Variants in EYS observed in about 807,000 individuals in gnomAD.
EYS encodes protein eyes shut homolog.
In EYS, 250 loss-of-function variants were observed where a neutral mutation model predicts 282.1. That is an observed-to-expected ratio of 0.89 (90% CI 0.80 to 0.98). The LOEUF is 0.98. Among genes scored for constraint, EYS ranks in the 50% least tolerant of loss-of-function variants. The pLI, the probability that EYS is intolerant of heterozygous loss-of-function variation, is 0.00. For synonymous variants in EYS, 1,355 were observed against 1,282.9 expected (o/e 1.06, Z -1.20); for missense variants, 4,016 against 3,709.0 (o/e 1.08, Z -2.15).
intron 22 of EYS, among the ~76,000 whole-genome samples, chr6:64,682,654 T>C (rs1455204399): frequency 6.6e-6 from 1 of 152,150 alleles, no homozygotes; most frequent in Non-Finnish European, 1.5e-5. Flanking sequence ...GTACTTTGCA[T>C]GCAGGCAGCC....
At chr6:64,468,406 G>A (rs1025299331) in intron 26 of EYS, among the ~76,000 whole-genome samples, 1 of 152,156 alleles carries the variant, frequency 6.6e-6, no homozygotes, top group Non-Finnish European at 1.5e-5. Flanking sequence ...TGCAAGAAGT[G>A]ACTGTTTCAT....
chr6:65,670,365 C>T (rs1768354288), intron 1 of EYS, among the ~76,000 whole-genome samples: 1 of 152,000 alleles, frequency 6.6e-6, no homozygotes, highest in African/African-American at 2.4e-5. Context: ...GTAAGGGATT[C>T]CCATTGTTGC....
chr6:64,420,623 G>A (rs1046565946), intron 28 of EYS, among the ~76,000 whole-genome samples: 1 of 152,172 alleles, frequency 6.6e-6, no homozygotes, highest in Non-Finnish European at 1.5e-5. Flanking sequence ...TCATCAGGCT[G>A]CAAAGTTTTC....
At chr6:64,766,649 A>ATATATATATATATATATATATATATAT (rs1554201272) in intron 22 of EYS, among the ~76,000 whole-genome samples, 1 of 19,050 alleles carries the variant, frequency 5.2e-5, no homozygotes, top group Admixed American at 9.6e-4. Flanking sequence ...AAAAAAAAAA[A>ATATATATATATATATATATATATATAT]ATATATATAT....
intron 12 of EYS, among the ~76,000 whole-genome samples, chr6:65,109,780 T>C (rs1775159096): frequency 6.6e-6 from 1 of 152,150 alleles, no homozygotes; most frequent in Non-Finnish European, 1.5e-5. Flanking sequence ...CTACCTACCC[T>C]TCTACAGGTA....
rs149373495 is a variant in EYS, at chr6:65,242,405, T to G, written c.2023+53458A>C. ...ATGTTGTCTTTGTGACTGTCTTGTT[T>G]TTAGCATAATTTTTTAAGGTTAGTC... On this transcript the variant is annotated intron_variant, in intron 12 of 42. Transcript: ENST00000503581. 1.2e-3 allele frequency among the ~76,000 whole-genome samples: 181 copies of G among 152,258 alleles called. 1 individual carries two copies. The highest frequency in any genetic ancestry group is 4.1e-3 in the African/African-American group (172 of 41,576).
chr6:64,116,684 G>A (rs1489506940), intron 31 of EYS, among the ~76,000 whole-genome samples: 1 of 152,068 alleles, frequency 6.6e-6, no homozygotes, highest in East Asian at 1.9e-4. Flanking sequence ...GACTGAGAGA[G>A]CAAATTAAGT....
chr6:64,223,552 G>T (rs563555771), intron 31 of EYS, among the ~76,000 whole-genome samples: 22 of 152,006 alleles, frequency 1.4e-4, no homozygotes, highest in Admixed American at 2.6e-4. Context: ...TTTCTGTATG[G>T]ACCTTGTATT....
intron 12 of EYS, among the ~76,000 whole-genome samples, chr6:65,180,986 G>A (rs1765366109): frequency 2.6e-5 from 4 of 152,050 alleles, no homozygotes; most frequent in Non-Finnish European, 5.9e-5. Context: ...AATGGTGCCG[G>A]GAAAACTGGC....
intron 1 of EYS, among the ~76,000 whole-genome samples, chr6:65,664,080 C>A (rs190189452): frequency 2.6e-5 from 4 of 152,050 alleles, no homozygotes; most frequent in African/African-American, 9.6e-5. Context: ...CCGTGTTAGC[C>A]GTGATGGTCT....
chr6:65,124,250 C>T (rs1323252692), intron 12 of EYS, among the ~76,000 whole-genome samples: 1 of 152,018 alleles, frequency 6.6e-6, no homozygotes, highest in Non-Finnish European at 1.5e-5. Flanking sequence ...ACCTCCTACA[C>T]ATGGATACAA....
intron 12 of EYS, among the ~76,000 whole-genome samples, chr6:65,190,076 T>C (rs1765605168): frequency 6.6e-6 from 1 of 151,380 alleles, no homozygotes; most frequent in African/African-American, 2.4e-5. Flanking sequence ...ATTAATAATA[T>C]AGAGAAAAAT....
chr6:65,691,692 C>A (rs1769249957), intron 1 of EYS, among the ~76,000 whole-genome samples: 1 of 150,290 alleles, frequency 6.7e-6, no homozygotes, highest in African/African-American at 2.4e-5. Flanking sequence ...CCTAGGTTTT[C>A]TTCTAGGGCT....
intron 12 of EYS, among the ~76,000 whole-genome samples, chr6:65,083,914 A>G (rs1220551914): frequency 6.6e-6 from 1 of 151,764 alleles, no homozygotes; most frequent in African/African-American, 2.4e-5. Flanking sequence ...CCATAGGTTG[A>G]CATGTATATT....
chr6:64,897,429 C>A (rs920431069), intron 18 of EYS, among the ~76,000 whole-genome samples: 1 of 152,034 alleles, frequency 6.6e-6, no homozygotes, highest in Non-Finnish European at 1.5e-5. Context: ...AAGACGAACA[C>A]GTGAAAACTC....
intron 7 of EYS, among the ~76,000 whole-genome samples, chr6:65,385,520 A>C (rs941542115): frequency 2.0e-5 from 3 of 151,942 alleles, no homozygotes; most frequent in African/African-American, 4.8e-5. Flanking sequence ...ACCATATGCC[A>C]GTCACTAGGC....
chr6:64,997,806 T>A, intron 13 of EYS, 103 bp from the exon 14 acceptor site: 1 of 1,005,298 alleles, frequency 9.9e-7, no homozygotes, highest in Non-Finnish European at 1.4e-6. Flanking sequence ...AGTTCACTTT[T>A]AACCAAATAA....
chr6:64,236,772 T>G (rs1766618974), intron 30 of EYS, among the ~76,000 whole-genome samples: 1 of 150,994 alleles, frequency 6.6e-6, no homozygotes, highest in Non-Finnish European at 1.5e-5. Flanking sequence ...TTTTTTAATT[T>G]TTTATCTTTT....
chr6:63,806,062 A>G, intron 37 of EYS, 128 bp downstream of exon 37: 1 of 750,412 alleles, frequency 1.3e-6, no homozygotes, highest in East Asian at 2.7e-5. Flanking sequence ...CTCAAGGCAG[A>G]AAACAGGAGG....
Sources: gnomAD v4.1 joint callset for allele counts (sites outside exome capture counted in the v4.1 genomes callset) on GRCh38, gnomAD v4.1.1 for gene constraint, MANE v1.5 for transcripts, NCBI Gene and HGNC (gene_info 2026-07-23, HGNC 2026-07-21) for gene names.